The following AHCTF1 variants were observed in gnomAD, a reference collection of about 807,000 sequenced individuals.
AHCTF1 encodes protein ELYS.
A neutral mutation model predicts 248.4 loss-of-function variants in AHCTF1; 24 were observed. The ratio of observed to expected loss-of-function variants is 0.10; its 90% CI spans 0.07 to 0.14. The LOEUF is 0.14. Ranked by LOEUF, AHCTF1 falls within the 10% of genes least tolerant of loss-of-function variation. The pLI, the probability that AHCTF1 is intolerant of heterozygous loss-of-function variation, is 1.00. For synonymous variants in AHCTF1, 786 were observed against 929.8 expected (o/e 0.85, Z 2.81); for missense variants, 2,206 against 2,636.2 (o/e 0.84, Z 3.57).
intron 1 of AHCTF1, among the ~76,000 whole-genome samples, chr1:246,928,302 C>CAAA (rs35687457): frequency 3.2e-5 from 3 of 94,216 alleles, no homozygotes; most frequent in Admixed American, 1.1e-4. Flanking sequence ...GACTCCGTCT[C>CAAA]AAAAAAAAAA....
At chr1:246,923,932 G>A (rs1485014937) in intron 1 of AHCTF1, among the ~76,000 whole-genome samples, 1 of 152,220 alleles carries the variant, frequency 6.6e-6, no homozygotes, top group Non-Finnish European at 1.5e-5. Context: ...GACCTGAGAA[G>A]AGGGCCATGT....
chr1:246,909,704 G>A (rs1665662194), intron 4 of AHCTF1, among the ~76,000 whole-genome samples: 1 of 152,144 alleles, frequency 6.6e-6, no homozygotes, highest in Admixed American at 6.5e-5. Flanking sequence ...GATTTAATAA[G>A]GAAAAATCAT....
At chr1:246,859,832 G>A (rs1043597906) in intron 29 of AHCTF1, among the ~76,000 whole-genome samples, 11 of 152,160 alleles carry the variant, frequency 7.2e-5, no homozygotes, top group African/African-American at 2.7e-4. Context: ...GGTATTACAG[G>A]CGTGAGCCAC....
chr1:246,885,462 A>G lies in AHCTF1; in HGVS notation c.2660+31T>C, dbSNP rs766787443. 7 of 1,537,544 alleles carry G rather than the reference A, an allele frequency of 4.6e-6. No homozygotes were observed. In the African/African-American group the frequency reaches 9.7e-5, roughly 21 times the overall value. On this transcript the variant is annotated intron_variant, in intron 21 of 35. Coordinates refer to ENST00000648844, the MANE Select transcript of AHCTF1 (RefSeq NM_001323342.2). ...TTCCATTTTATTAACAGATACGATAAAGACTTTATAGTTTCAAAAGATGTA... is the reference window on the plus strand; with the variant it reads ...TTCCATTTTATTAACAGATACGATAGAGACTTTATAGTTTCAAAAGATGTA...
chr1:246,843,432 T>C (rs1660017648), intron 34 of AHCTF1, among the ~76,000 whole-genome samples: 1 of 152,228 alleles, frequency 6.6e-6, no homozygotes, highest in Admixed American at 6.5e-5. Flanking sequence ...TGAATTAACA[T>C]TTATAAACTT....
At position 246,839,507 on chromosome 1, in the gene AHCTF1, G is replaced by T. The variant is rs571772679; in HGVS notation, c.*1299C>A. The stretch of plus-strand genomic sequence containing the variant: ...TCAAAGTCAGTGAAATTTTCAACAA[G>T]GCAGCGTAACATCCATCACTAACCT... On this transcript the variant is annotated 3_prime_UTR_variant, in exon 36 of 36. Transcript: ENST00000648844. 2.0e-6 allele frequency: 2 copies of T among 985,302 alleles called. No homozygotes were observed. Among genetic ancestry groups the T allele is most frequent in the Admixed American group, 1.2e-4 (2 of 16,258 alleles). The allele number at this position is 985,302 out of a possible 1,614,324, so 61.0% of individuals were successfully genotyped here.
Position 246,931,674 on chromosome 1 carries a change from C to T in AHCTF1, c.-104G>A, listed in dbSNP as rs1417668238. 1 of 152,448 alleles carries T rather than the reference C, an allele frequency of 6.6e-6. No homozygotes were observed. The highest frequency in any genetic ancestry group is 1.5e-5 in the Non-Finnish European group (1 of 68,262). The allele number at this position is 152,448 out of a possible 1,614,324, so 9.4% of individuals were successfully genotyped here. A position where few individuals can be genotyped will look rare whatever the true frequency, so the allele number is the denominator to read the frequency against. Reference sequence around the variant, plus strand: ...CCGTGCGGGTCCGTCACAGCATCTCCCGGGAGACGTGGCCGCCACGGGCCG... The same window carrying T: ...CCGTGCGGGTCCGTCACAGCATCTCTCGGGAGACGTGGCCGCCACGGGCCG... On this transcript the variant is annotated 5_prime_UTR_variant, in exon 1 of 36. Transcript: ENST00000648844.
chr1:246,892,132 C>T (rs923517846), intron 14 of AHCTF1, among the ~76,000 whole-genome samples: 2 of 151,918 alleles, frequency 1.3e-5, no homozygotes, highest in Non-Finnish European at 2.9e-5. Flanking sequence ...AGACTATGAA[C>T]TCAAATCATC....
chr1:246,895,984 G>T (rs1173301055), intron 12 of AHCTF1, 59 bp from the exon 13 acceptor site: 1 of 1,414,316 alleles, frequency 7.1e-7, no homozygotes, highest in East Asian at 2.3e-5. Flanking sequence ...GAGATCATAG[G>T]CAAGTTCTGG....
intron 24 of AHCTF1, among the ~76,000 whole-genome samples, 178 bp from the exon 25 acceptor site, chr1:246,867,989 G>C (rs116830294): frequency 8.5e-5 from 12 of 141,284 alleles, no homozygotes; most frequent in African/African-American, 2.7e-4. Context: ...TTTTAGACCA[G>C]TCTTGCTGTG....
At chr1:246,904,923 A>C (rs1230587834) in intron 6 of AHCTF1, among the ~76,000 whole-genome samples, 4 of 152,196 alleles carry the variant, frequency 2.6e-5, no homozygotes, top group African/African-American at 7.2e-5. Flanking sequence ...TCAATCTCCA[A>C]GTATATTTGA....
chr1:246,853,433 C>T (rs1430403585), intron 31 of AHCTF1, 134 bp from the exon 32 acceptor site: 2 of 641,082 alleles, frequency 3.1e-6, no homozygotes, highest in Admixed American at 3.4e-5. Context: ...CCAGAAAAGT[C>T]TGCAACTTCT....
At chr1:246,908,261 C>G (rs961438177) in intron 4 of AHCTF1, among the ~76,000 whole-genome samples, 4 of 99,862 alleles carry the variant, frequency 4.0e-5, no homozygotes, top group Non-Finnish European at 5.9e-5. Context: ...TTTTGGGCAT[C>G]AAAAACAATA....
intron 21 of AHCTF1, among the ~76,000 whole-genome samples, chr1:246,880,691 G>A (rs1663338607): frequency 6.6e-6 from 1 of 151,580 alleles, no homozygotes; most frequent in East Asian, 1.9e-4. Flanking sequence ...TAATAATATA[G>A]ACAGTATTTT....
At chr1:246,856,160 G>C (rs1244469187) in intron 30 of AHCTF1, among the ~76,000 whole-genome samples, 1 of 152,148 alleles carries the variant, frequency 6.6e-6, no homozygotes, top group Non-Finnish European at 1.5e-5. Flanking sequence ...AAATAAGTCT[G>C]TCAAGTATTC....
At chr1:246,877,738 T>C (rs915485302) in intron 21 of AHCTF1, among the ~76,000 whole-genome samples, 1 of 151,910 alleles carries the variant, frequency 6.6e-6, no homozygotes, top group African/African-American at 2.4e-5. Flanking sequence ...TGGTAGTAGA[T>C]GTTTTTTGGT....
rs760109268 is a variant in AHCTF1, at chr1:246,850,229, C to A, written c.5777G>T (p.Ser1926Ile). The A allele has an allele frequency of 1.9e-6, 3 of 1,613,788 alleles. No individual in the cohort carries two copies. The highest frequency in any genetic ancestry group is 2.7e-5 in the African/African-American group (2 of 74,898). ...NTGNKQDDKS[S>I]DKQLRIKHVR... ...ATGTTTAATACGCAGCTGCTTGTCA[C>A]TGGATTTATCATCTTGCTTATTTCC... Residue 1926 changes from serine to isoleucine, a missense_variant, in exon 33 of 36, where the codon AGT (serine) becomes ATT (isoleucine). Around this residue, in one of 6 missense-constraint regions of AHCTF1, gnomAD observed 469 missense variants for 470.0 expected, o/e 1.00. Transcript: ENST00000648844.
At chr1:246,909,054 G>C (rs1572452025) in intron 4 of AHCTF1, among the ~76,000 whole-genome samples, 1 of 149,734 alleles carries the variant, frequency 6.7e-6, no homozygotes, top group African/African-American at 2.5e-5. Flanking sequence ...ATATTAAACA[G>C]ATAATTCTAT....
chr1:246,883,780 G>A (rs1266203466), intron 21 of AHCTF1, among the ~76,000 whole-genome samples: 1 of 151,988 alleles, frequency 6.6e-6, no homozygotes, highest in Non-Finnish European at 1.5e-5. Flanking sequence ...AGTTTTCTGG[G>A]GACTGGAAAA....
Sources: allele counts gnomAD v4.1 joint callset (sites outside exome capture counted in the v4.1 genomes callset), GRCh38; gene constraint gnomAD v4.1.1; regional missense constraint gnomAD v4.1.1; transcripts MANE v1.5; gene names NCBI Gene and HGNC (gene_info 2026-07-23, HGNC 2026-07-21).